PRR14L: variants seen among roughly 807,000 people sequenced by gnomAD.
PRR14L encodes the protein protein PRR14L.
PRR14L carries 80 observed loss-of-function variants against 155.0 expected under a neutral mutation model. The observed-to-expected ratio is 0.52, with a 90% CI of 0.43 to 0.62. The LOEUF is 0.62. PRR14L is among the 20% of genes least tolerant of loss of function. The pLI, the probability that PRR14L is intolerant of heterozygous loss-of-function variation, is 0.00. For missense variants in PRR14L, 2,469 were observed against 2,548.0 expected (o/e 0.97, Z 0.67); for synonymous variants, 883 against 916.0 (o/e 0.96, Z 0.65).
intron 4 of PRR14L, among the ~76,000 whole-genome samples, chr22:31,705,897 A>T (rs936688486): frequency 3.3e-5 from 5 of 151,980 alleles, no homozygotes; most frequent in Non-Finnish European, 5.9e-5. Context: ...GCTACTCAGG[A>T]GGCTGAGACA....
At chr22:31,745,843 T>A (rs1224976263) in intron 1 of PRR14L, among the ~76,000 whole-genome samples, 19 of 133,766 alleles carry the variant, frequency 1.4e-4, no homozygotes, top group South Asian at 2.4e-4. Context: ...AGACTCAGTT[T>A]AAAAAAAAAA....
intron 1 of PRR14L, among the ~76,000 whole-genome samples, chr22:31,744,413 G>A (rs1353682151): frequency 1.3e-5 from 2 of 152,092 alleles, no homozygotes; most frequent in Non-Finnish European, 2.9e-5. Context: ...GATTACAGGC[G>A]TGAGCCACTA....
chr22:31,710,013 T>C (rs2074612873), intron 4 of PRR14L, among the ~76,000 whole-genome samples: 1 of 152,220 alleles, frequency 6.6e-6, no homozygotes, highest in South Asian at 2.1e-4. Flanking sequence ...TGATCCTGGC[T>C]CACTGCAACC....
In PRR14L at chr22:31,716,541, T is replaced by A. The variant is rs1304356514; in HGVS notation, c.1298A>T (p.Glu433Val). 2.6e-6 allele frequency: 4 copies of A among 1,546,388 alleles called. No individual in the cohort carries two copies. The South Asian group carries it at 4.8e-5, about 19-fold the overall frequency. The stretch of plus-strand genomic sequence containing the variant: ...ATTTTCCTTTGGAGAAACAACAGGC[T>A]CTTTTTCACCAGAACAACGACCACT... ...EISGRCSGEK[E>V]PVVSPKENIH... is the part of the protein sequence containing the mutation. Residue 433 changes from glutamate (E) to valine (V), a missense_variant, in exon 4 of 9, where the codon GAG becomes GTG. Glu to Val is a moderately radical substitution (Grantham distance 121). This residue lies in a region of PRR14L where 2,363 missense variants were observed against 2,371.6 expected (regional missense o/e 1.00). Coordinates refer to ENST00000327423, the MANE Select transcript of PRR14L (RefSeq NM_173566.3).
At chr22:31,745,326 G>C (rs2074832094) in intron 1 of PRR14L, among the ~76,000 whole-genome samples, 1 of 152,144 alleles carries the variant, frequency 6.6e-6, no homozygotes, top group Non-Finnish European at 1.5e-5. Flanking sequence ...GCAGTGAGCG[G>C]AGATTGTGCC....
intron 7 of PRR14L, among the ~76,000 whole-genome samples, chr22:31,696,820 A>AT (rs1436012595): frequency 6.6e-6 from 1 of 151,800 alleles, no homozygotes; most frequent in African/African-American, 2.4e-5. Context: ...GCCTTTAGAG[A>AT]TTGGGTATTA....
Position 31,701,686 on chromosome 22 carries a change from A to C in PRR14L, c.6077T>G (p.Leu2026Arg), listed in dbSNP as rs750876211. ...GGGTCGAGGAAGGCCCATGGGGGTAAGATTAGGATCTGGCCTAGGAATGGT... is the reference window on the plus strand; with the variant it reads ...GGGTCGAGGAAGGCCCATGGGGGTACGATTAGGATCTGGCCTAGGAATGGT... ...RKTIPRPDPN[L>R]TPMGLPRPKR... is the part of the protein sequence containing the mutation. Residue 2026 changes from leucine to arginine, a missense_variant, in exon 7 of 9, where the codon CTT becomes CGT. Leu to Arg is a moderately radical substitution (Grantham distance 102). Around this residue, in one of 2 missense-constraint regions of PRR14L, gnomAD observed 106 missense variants for 176.4 expected, o/e 0.60. Coordinates refer to ENST00000327423, the MANE Select transcript of PRR14L (RefSeq NM_173566.3). 6.2e-7 allele frequency: 1 copy of C among 1,613,682 alleles called. No homozygotes were observed. The highest frequency in any genetic ancestry group is 1.3e-5 in the African/African-American group (1 of 75,034).
chr22:31,721,921 G>A (rs1314427606), intron 3 of PRR14L, among the ~76,000 whole-genome samples: 2 of 152,100 alleles, frequency 1.3e-5, no homozygotes, highest in Non-Finnish European at 2.9e-5. Flanking sequence ...TGCACTGAGG[G>A]GAGAGTGTAG....
chr22:31,735,273 A>T (rs1363864163), intron 2 of PRR14L, among the ~76,000 whole-genome samples: 4 of 152,146 alleles, frequency 2.6e-5, no homozygotes, highest in South Asian at 2.1e-4. Context: ...CCCCGTCTCT[A>T]CTAAAAAAAT....
At position 31,714,898 on chromosome 22, in the gene PRR14L, C is replaced by T; in HGVS notation, c.2941G>A (p.Glu981Lys). Residue 981 changes from glutamate to lysine, a missense_variant, in exon 4 of 9, where the codon GAA becomes AAA. Transcript: ENST00000327423. Reference protein sequence around the residue: ...DCQSNQNRPDECKSEGQSAKE... With the variant: ...DCQSNQNRPDKCKSEGQSAKE... ...GCTGACTGACCTTCACTTTTGCATT[C>T]ATCTGGTCTGTTTTGGTTACTCTGA... The T allele has an allele frequency of 3.2e-6, 5 of 1,551,948 alleles. No homozygotes were observed. Among genetic ancestry groups the T allele is most frequent in the African/African-American group, 1.4e-5 (1 of 73,164 alleles).
At chr22:31,705,572 C>T (rs1601498742) in intron 4 of PRR14L, among the ~76,000 whole-genome samples, 1 of 151,784 alleles carries the variant, frequency 6.6e-6, no homozygotes, top group Admixed American at 6.6e-5. Context: ...TGGGGTTTCA[C>T]CATATTGGCC....
chr22:31,713,541 T>A lies in PRR14L; in HGVS notation c.4298A>T (p.Gln1433Leu). 1 of 1,552,204 alleles carries A rather than the reference T, an allele frequency of 6.4e-7. No individual in the cohort carries two copies. Residue 1433 changes from glutamine (Q) to leucine (L), a missense_variant, in exon 4 of 9, where the codon CAA becomes CTA. Around this residue, in one of 2 missense-constraint regions of PRR14L, gnomAD observed 2,363 missense variants for 2,371.6 expected, o/e 1.00. Coordinates refer to ENST00000327423, the MANE Select transcript of PRR14L (RefSeq NM_173566.3). ...GGACTCATCTTTGTCAGCCTTCGGT[T>A]GGTTCTGATTTTGTGCATCATCTAA... The part of the protein sequence containing the change: ...LLLDDAQNQN[Q>L]PKADKDESTM...
At chr22:31,708,396 G>T (rs2074602691) in intron 4 of PRR14L, among the ~76,000 whole-genome samples, 2 of 151,628 alleles carry the variant, frequency 1.3e-5, no homozygotes, top group South Asian at 4.2e-4. Context: ...GTGCGATCTT[G>T]GCTCACCCTA....
chr22:31,722,383 T>C (rs1196268758), intron 3 of PRR14L, among the ~76,000 whole-genome samples: 1 of 140,956 alleles, frequency 7.1e-6, no homozygotes, highest in African/African-American at 2.7e-5. Flanking sequence ...TAAGCCAAGA[T>C]CGTGCCACTG....
At chr22:31,702,267 G>C (rs1182562250) in intron 6 of PRR14L, among the ~76,000 whole-genome samples, 1 of 151,998 alleles carries the variant, frequency 6.6e-6, no homozygotes, top group African/African-American at 2.4e-5. Context: ...TTGTTGCCCA[G>C]GCTTAAATGC....
At chr22:31,691,085 T>C (rs1335723676) in intron 7 of PRR14L, among the ~76,000 whole-genome samples, 2 of 151,820 alleles carry the variant, frequency 1.3e-5, no homozygotes, top group African/African-American at 2.4e-5. Context: ...TCCCTCAGCC[T>C]CCCGAGTAGC....
At chr22:31,726,939 C>T (rs144622103) in intron 2 of PRR14L, among the ~76,000 whole-genome samples, 9 of 152,258 alleles carry the variant, frequency 5.9e-5, no homozygotes, top group African/African-American at 2.2e-4. Context: ...AGAGCTGTCA[C>T]GGACAGATTC....
chr22:31,709,408 C>T (rs1000185051), intron 4 of PRR14L, among the ~76,000 whole-genome samples: 1 of 150,328 alleles, frequency 6.7e-6, no homozygotes, highest in Admixed American at 6.6e-5. Flanking sequence ...TAAGCCACTA[C>T]ACCCAGCTAA....
At chr22:31,704,801 G>T in intron 4 of PRR14L, 75 bp from the exon 5 acceptor site, 1 of 1,138,904 alleles carries the variant, frequency 8.8e-7, no homozygotes, top group Non-Finnish European at 1.3e-6. Flanking sequence ...TGTTATTGTG[G>T]GTATTAGCAC....
Sources: gnomAD v4.1 joint callset for allele counts (sites outside exome capture counted in the v4.1 genomes callset) on GRCh38, gnomAD v4.1.1 for gene constraint, gnomAD v4.1.1 regional missense constraint, MANE v1.5 for transcripts, NCBI Gene and HGNC (gene_info 2026-07-23, HGNC 2026-07-21) for gene names.